The following ENOSF1 variants were observed in gnomAD, a reference collection of about 807,000 sequenced individuals.
ENOSF1 encodes enolase superfamily member 1.
Under a neutral mutation model 68.2 loss-of-function variants are expected in ENOSF1, and 73 were observed. That is an observed-to-expected ratio of 1.07 (90% CI 0.89 to 1.30). The LOEUF is 1.30. Among genes scored for constraint, ENOSF1 ranks in the 50% most tolerant of loss-of-function variants. The pLI is 0.00. For synonymous variants in ENOSF1, 223 were observed against 210.4 expected, an observed-to-expected ratio of 1.06 and a Z score of -0.52; for missense variants, 589 against 554.5, an observed-to-expected ratio of 1.06 and a Z score of -0.62.
Position 690,988 on chromosome 18 carries a change from T to C in ENOSF1, c.535+80A>G, listed in dbSNP as rs2077097011. On this transcript the variant is annotated intron_variant, in intron 7 of 15. Transcript: ENST00000647584. The stretch of plus-strand genomic sequence containing the variant: ...CAGCACAGGGCATTTGGGAAGACAA[T>C]GTGTACCCCAAAAGGACAGGGGCAC... 3.1e-5 allele frequency: 47 copies of C among 1,497,796 alleles called. No homozygotes were observed. The East Asian group carries it at 9.7e-4, about 31-fold the overall frequency. The allele number at this position is 1,497,796 out of a possible 1,614,324, so 92.8% of individuals were successfully genotyped here.
At chr18:697,187 T>C in intron 3 of ENOSF1, 53 bp downstream of exon 3, 1 of 1,214,760 alleles carries the variant, frequency 8.2e-7, no homozygotes, top group African/African-American at 1.5e-5. Flanking sequence ...AAAGGACATC[T>C]CAGACCTTGG....
At chr18:699,359 CTGAGGTAGGAGGATCACT>C (rs1484599191) in intron 2 of ENOSF1, among the ~76,000 whole-genome samples, 9 of 152,120 alleles carry the variant, frequency 5.9e-5, no homozygotes, top group East Asian at 3.9e-4. Flanking sequence ...TCTCGGGAGG[CTGAGGTAGGAGGATCACT>C]TGAGGTAGGA....
At position 697,433 on chromosome 18, in the gene ENOSF1, A is replaced by C. The variant is rs2077856978; in HGVS notation, c.194-78T>G. 6 of 1,085,986 alleles carry C rather than the reference A, an allele frequency of 5.5e-6. No individual in the cohort carries two copies. The Admixed American group carries it at 6.1e-5, about 11-fold the overall frequency. 67.3% of individuals were successfully genotyped at this position (1,085,986 alleles called of 1,614,324 possible). ...TTAGCACCTGAAAACATCACAAACA[A>C]ACAAATGTGAAAGTTTTATGAAAAA... On this transcript the variant is annotated intron_variant, in intron 2 of 15. Transcript: ENST00000647584.
At chr18:691,408 C>A (rs2077155708) in intron 5 of ENOSF1, 132 bp from the exon 6 acceptor site, 6 of 694,624 alleles carry the variant, frequency 8.6e-6, no homozygotes, top group Non-Finnish European at 1.4e-5. Context: ...TGCAGTGATG[C>A]CATCATAGCT....
Position 674,250 on chromosome 18 carries a change from A to G in ENOSF1, c.*55T>C. 1 of 1,239,786 alleles carries G rather than the reference A, an allele frequency of 8.1e-7. No homozygotes were observed. The highest frequency in any genetic ancestry group is 1.2e-6 in the Non-Finnish European group (1 of 869,366). The allele number at this position is 1,239,786 out of a possible 1,614,324, so 76.8% of individuals were successfully genotyped here. Reference sequence around the variant, plus strand: ...AATCCATTTTTGTAAAACTATTTCCAAGAAATTTTAAGCCCTTTCACTTCA... The same window carrying G: ...AATCCATTTTTGTAAAACTATTTCCGAGAAATTTTAAGCCCTTTCACTTCA... On this transcript the variant is annotated 3_prime_UTR_variant, in exon 16 of 16. Coordinates refer to ENST00000647584, the MANE Select transcript of ENOSF1 (RefSeq NM_017512.7).
intron 2 of ENOSF1, among the ~76,000 whole-genome samples, chr18:701,350 T>C (rs1217896499): frequency 1.3e-5 from 2 of 152,024 alleles, no homozygotes. Flanking sequence ...GGCAGAATGT[T>C]GATAATGAAG....
At chr18:709,234 G>A (rs1298856624) in intron 1 of ENOSF1, among the ~76,000 whole-genome samples, 1 of 152,148 alleles carries the variant, frequency 6.6e-6, no homozygotes, top group Non-Finnish European at 1.5e-5. Flanking sequence ...TCAGAATGCG[G>A]AGAGGGTCTT....
chr18:666,495 CCT>C (rs945804533), downstream of ENOSF1, among the ~76,000 whole-genome samples: 1 of 152,104 alleles, frequency 6.6e-6, no homozygotes, highest in Admixed American at 6.5e-5. Flanking sequence ...GAGCCCAGCC[CCT>C]CCCACCTGTC....
intron 15 of ENOSF1, among the ~76,000 whole-genome samples, 185 bp downstream of exon 15, chr18:675,136 T>C (rs2075349106): frequency 6.6e-6 from 1 of 152,252 alleles, no homozygotes; most frequent in Non-Finnish European, 1.5e-5. Context: ...CAGAGGCAAT[T>C]GAACCTCCAA....
chr18:672,960 A>C lies in ENOSF1; in HGVS notation c.*1345T>G, dbSNP rs2075135057. Reference sequence around the variant, plus strand: ...GAAGACTTTCAGATTGAAGGGTACAATCCGCATCCAACTATTAAAATGGAA... The same window carrying C: ...GAAGACTTTCAGATTGAAGGGTACACTCCGCATCCAACTATTAAAATGGAA... On this transcript the variant is annotated 3_prime_UTR_variant, in exon 16 of 16. Coordinates refer to ENST00000647584, the MANE Select transcript of ENOSF1 (RefSeq NM_017512.7). The C allele has an allele frequency of 1.3e-6, 2 of 1,584,270 alleles. No individual in the cohort carries two copies. The highest frequency in any genetic ancestry group is 4.5e-5 in the East Asian group (2 of 44,414).
In ENOSF1 at chr18:674,358, G is replaced by A. The variant is rs1261479678; in HGVS notation, c.1279C>T (p.Gln427Ter). The stretch of plus-strand genomic sequence containing the variant: ...TTCCAAACTTCACCATCTGGATACT[G>A]GTGTTTCTTTACAGATTCCTCCTTC... ...EMKEESVKKH[Q>*]YPDGEVWKKL... Residue 427 changes from glutamine (Q) to a stop codon, truncating the protein, a stop_gained, in exon 16 of 16, where the codon CAG (glutamine) becomes TAG (stop). Coordinates refer to ENST00000647584, the MANE Select transcript of ENOSF1 (RefSeq NM_017512.7). LOFTEE classifies it high-confidence loss of function. 6.2e-7 allele frequency: 1 copy of A among 1,612,642 alleles called. No homozygotes were observed. The highest frequency in any genetic ancestry group is 1.3e-5 in the African/African-American group (1 of 74,830).
chr18:704,902 G>A (rs1220008127), intron 2 of ENOSF1, among the ~76,000 whole-genome samples: 7 of 151,900 alleles, frequency 4.6e-5, no homozygotes, highest in East Asian at 3.9e-4. Flanking sequence ...CACCACGCCT[G>A]GCCTATCTTT....
chr18:689,279 T>C (rs146054193), intron 8 of ENOSF1, among the ~76,000 whole-genome samples: 2 of 152,212 alleles, frequency 1.3e-5, no homozygotes, highest in Non-Finnish European at 2.9e-5. Flanking sequence ...GGATCCAAAA[T>C]AATTTTTTTG....
chr18:679,566 A>G (rs545583690), intron 11 of ENOSF1, among the ~76,000 whole-genome samples: 61 of 151,996 alleles, frequency 4.0e-4, no homozygotes, highest in African/African-American at 1.1e-3. Flanking sequence ...TCCATGAAAA[A>G]AAAAAAAATC....
At chr18:666,969 T>C (rs369405911), downstream of ENOSF1, among the ~76,000 whole-genome samples, 16 of 13,958 alleles carry the variant, frequency 1.1e-3, 1 homozygote, top group African/African-American at 5.4e-3. Context: ...ATGGAGATGG[T>C]GATGGAGATG....
chr18:687,880 C>T (rs894386915), intron 9 of ENOSF1: 1 of 152,362 alleles, frequency 6.6e-6, no homozygotes, highest in African/African-American at 2.4e-5. Context: ...ATTAAAGACC[C>T]ACCTGGCTGG....
chr18:671,993 T>A lies in ENOSF1; in HGVS notation c.*2312A>T, dbSNP rs1384355796. The A allele has an allele frequency of 1.3e-5, 2 of 153,066 alleles. No homozygotes were observed. The highest frequency in any genetic ancestry group is 2.9e-5 in the Non-Finnish European group (2 of 68,718). 9.5% of individuals were successfully genotyped at this position (153,066 alleles called of 1,614,324 possible). ...TGGGGTTTCATCATGTTGGCCAGGC[T>A]AGTCTCAAACTCCTGACTTCAAGTG... On this transcript the variant is annotated 3_prime_UTR_variant, in exon 16 of 16. Transcript: ENST00000647584.
chr18:693,035 G>T, intron 5 of ENOSF1: 4 of 1,266,500 alleles, frequency 3.2e-6, no homozygotes, highest in Middle Eastern at 2.2e-4. Flanking sequence ...CCGCAGCTCA[G>T]AGTGGGGAAG....
intron 5 of ENOSF1, 54 bp downstream of exon 5, chr18:693,828 A>C (rs2305996): frequency 0.35 from 560,130 of 1,608,850 alleles, 101,011 homozygotes; most frequent in Non-Finnish European, 0.37. Flanking sequence ...GCATGTCATC[A>C]ATGATATCCA....
Sources: allele counts gnomAD v4.1 joint callset (sites outside exome capture counted in the v4.1 genomes callset), GRCh38; gene constraint gnomAD v4.1.1; transcripts MANE v1.5; gene names NCBI Gene and HGNC (gene_info 2026-07-23, HGNC 2026-07-21).